Variants in ZMPSTE24 observed in about 807,000 individuals in gnomAD.
The protein encoded by ZMPSTE24 is CAAX prenyl protease 1 homolog.
Under a neutral mutation model 56.7 loss-of-function variants are expected in ZMPSTE24, and 48 were observed. The observed-to-expected ratio is 0.85, with a 90% CI of 0.67 to 1.08. The LOEUF (loss-of-function observed/expected upper bound fraction) is 1.08, where lower values mean the gene tolerates loss of function less well. Ranked by LOEUF, ZMPSTE24 falls within the 50% of genes least tolerant of loss-of-function variation. The pLI, the probability that ZMPSTE24 is intolerant of heterozygous loss-of-function variation, is 0.00. For synonymous variants in ZMPSTE24, 172 were observed against 195.2 expected, an observed-to-expected ratio of 0.88 and a Z score of 0.99; for missense variants, 503 against 548.7, an observed-to-expected ratio of 0.92 and a Z score of 0.83.
In ZMPSTE24 at chr1:40,281,415, A is replaced by G; in HGVS notation, c.842A>G (p.Asp281Gly). 1 of 1,614,158 alleles carries G rather than the reference A, an allele frequency of 6.2e-7. No homozygotes were observed. Among genetic ancestry groups the G allele is most frequent in the Non-Finnish European group, 8.5e-7 (1 of 1,180,016 alleles). The change falls in exon 7 of 10, where the codon GAC (aspartate) becomes GGC (glycine). Residue 281 changes from aspartate to glycine, a missense_variant. Physicochemically the swap from Asp to Gly is moderately conservative, Grantham distance 94 (BLOSUM62 -1). Coordinates refer to ENST00000372759, the MANE Select transcript of ZMPSTE24 (RefSeq NM_005857.5). ...FFKNKRIVLF[D>G]TLLEEYSVLN... ...AAGAACAAGCGAATAGTTTTGTTTG[A>G]CACTCTACTAGAAGAGTACTCTGTA...
At chr1:40,262,804 C>A in intron 2 of ZMPSTE24, 1 of 1,178,964 alleles carries the variant, frequency 8.5e-7, no homozygotes, top group South Asian at 1.7e-5. Context: ...GCTGTTTTGT[C>A]AACTGACATT....
intron 6 of ZMPSTE24, among the ~76,000 whole-genome samples, chr1:40,272,767 A>G (rs1162846117): frequency 6.6e-6 from 1 of 152,242 alleles, no homozygotes; most frequent in African/African-American, 2.4e-5. Flanking sequence ...TAAAGTCCAT[A>G]TAAATGAATG....
intron 1 of ZMPSTE24, among the ~76,000 whole-genome samples, chr1:40,258,629 G>A (rs562285589): frequency 6.6e-6 from 1 of 152,266 alleles, no homozygotes; most frequent in East Asian, 1.9e-4. Context: ...AGGGCCTGGA[G>A]GAAGGCTTGG....
At chr1:40,290,702 T>C (rs992785777) in intron 8 of ZMPSTE24, 152 bp from the exon 9 acceptor site, 88 of 724,774 alleles carry the variant, frequency 1.2e-4, no homozygotes, top group Non-Finnish European at 1.7e-4. Context: ...GACCTCGTGA[T>C]CCACCCGCCT....
intron 8 of ZMPSTE24, 46 bp from the exon 9 acceptor site, chr1:40,290,808 A>C (rs375295113): frequency 2.5e-6 from 4 of 1,605,144 alleles, no homozygotes; most frequent in African/African-American, 2.7e-5. Flanking sequence ...TCCCATAGTG[A>C]AATCAGCTTG....
At chr1:40,272,849 T>C (rs1643626133) in intron 6 of ZMPSTE24, among the ~76,000 whole-genome samples, 1 of 152,224 alleles carries the variant, frequency 6.6e-6, no homozygotes, top group Non-Finnish European at 1.5e-5. Flanking sequence ...TGGGTTTCAG[T>C]TGTATTTCCT....
chr1:40,283,083 C>T (rs10489430), intron 7 of ZMPSTE24, among the ~76,000 whole-genome samples: 93,673 of 152,068 alleles, frequency 0.62, 31,463 homozygotes, highest in African/African-American at 0.9. Context: ...GTTATAAATA[C>T]GTAGATGAAA....
intron 6 of ZMPSTE24, among the ~76,000 whole-genome samples, chr1:40,275,265 C>CAAAAA (rs869166476): frequency 3.4e-4 from 13 of 38,622 alleles, no homozygotes; most frequent in East Asian, 2.6e-3. Context: ...ACTAAAAATA[C>CAAAAA]AAAAAAAAAA....
Position 40,268,401 on chromosome 1 carries a change from G to GT in ZMPSTE24, c.358-12dup. On this transcript the variant is annotated splice_polypyrimidine_tract_variant and intron_variant, in intron 3 of 9. Coordinates refer to ENST00000372759, the MANE Select transcript of ZMPSTE24 (RefSeq NM_005857.5). The stretch of plus-strand genomic sequence containing the variant: ...AGTAGTTCATAAAAACTGGATTTTT[G>GT]TTTTTTCTTTTGTTTAGATCACTCA... 2 of 1,584,398 alleles carry GT rather than the reference G, an allele frequency of 1.3e-6. No homozygotes were observed. The highest frequency in any genetic ancestry group is 8.6e-7 in the Non-Finnish European group (1 of 1,157,410).
chr1:40,261,351 AT>A (rs764643306), intron 2 of ZMPSTE24, among the ~76,000 whole-genome samples: 1,885 of 145,628 alleles, frequency 0.013, 36 homozygotes, highest in African/African-American at 0.041. Context: ...ATTTGCCTGG[AT>A]TTTTTTTTTT....
rs765125506 is a variant in ZMPSTE24 at position 40,271,884 on chromosome 1, T to G, written c.628-10T>G. On this transcript the variant is annotated splice_polypyrimidine_tract_variant and intron_variant, in intron 5 of 9. Coordinates refer to ENST00000372759, the MANE Select transcript of ZMPSTE24 (RefSeq NM_005857.5). ...CATGTTCATATGTTATTCTGACATTTACTTTTCAGGTTCTTGTCACAATCT... is the reference window on the plus strand; with the variant it reads ...CATGTTCATATGTTATTCTGACATTGACTTTTCAGGTTCTTGTCACAATCT... 1 of 1,613,300 alleles carries G rather than the reference T, an allele frequency of 6.2e-7. No individual in the cohort carries two copies. Among genetic ancestry groups the G allele is most frequent in the Non-Finnish European group, 8.5e-7 (1 of 1,179,436 alleles).
chr1:40,290,968 T>C lies in ZMPSTE24; in HGVS notation c.1174T>C (p.Phe392Leu), dbSNP rs1643837706. The C allele has an allele frequency of 5.0e-6, 8 of 1,614,136 alleles. No individual in the cohort carries two copies. The East Asian group carries it at 1.3e-4, about 27-fold the overall frequency. Residue 392 changes from phenylalanine (F) to leucine (L), a missense_variant, in exon 9 of 10, where the codon TTC (phenylalanine) becomes CTC (leucine). Physicochemically the swap from Phe to Leu is conservative, Grantham distance 22. Transcript: ENST00000372759. ...CACTCTTATTGGACTATTGATCATC[T>C]TCCAGTTTATTTTTTCACCTTACAA... ...QPTLIGLLIIFQFIFSPYNEV... is the reference protein window; with the variant it reads ...QPTLIGLLIILQFIFSPYNEV...
At chr1:40,280,669 G>A (rs1442300822) in intron 6 of ZMPSTE24, among the ~76,000 whole-genome samples, 3 of 152,008 alleles carry the variant, frequency 2.0e-5, no homozygotes, top group Non-Finnish European at 4.4e-5. Flanking sequence ...CAAGTGATCC[G>A]CCTGCCTCAG....
At chr1:40,264,614 T>C (rs1318009977) in intron 2 of ZMPSTE24, among the ~76,000 whole-genome samples, 1 of 151,800 alleles carries the variant, frequency 6.6e-6, no homozygotes, top group African/African-American at 2.4e-5. Context: ...GATGACTCAA[T>C]CCTGTAATCA....
chr1:40,290,639 T>G (rs1300587231), intron 8 of ZMPSTE24: 2 of 430,632 alleles, frequency 4.6e-6, no homozygotes, highest in South Asian at 2.1e-5. Context: ...TTTTTCTGCA[T>G]TTTTAGTAGA....
intron 2 of ZMPSTE24, among the ~76,000 whole-genome samples, chr1:40,264,164 T>C (rs1467910879): frequency 6.6e-6 from 1 of 152,044 alleles, no homozygotes; most frequent in East Asian, 1.9e-4. Flanking sequence ...CGAAACCCTG[T>C]CTCTACTAAA....
chr1:40,284,590 A>G (rs147761665), intron 7 of ZMPSTE24, among the ~76,000 whole-genome samples: 121 of 152,092 alleles, frequency 8.0e-4, no homozygotes, highest in Non-Finnish European at 1.5e-3. Flanking sequence ...TGTCTCTACT[A>G]AAAATACAAA....
chr1:40,267,332 GTTATTTTATTTTATTTTATTTTATT>G (rs71060361), intron 2 of ZMPSTE24, among the ~76,000 whole-genome samples: 3 of 137,418 alleles, frequency 2.2e-5, no homozygotes, highest in Admixed American at 1.4e-4. Context: ...ATTTTATTTT[GTTATTTTATTTTATTTTATTTTATT>G]TTATTTTATT....
chr1:40,267,175 C>T (rs1643558251), intron 2 of ZMPSTE24, among the ~76,000 whole-genome samples: 2 of 151,842 alleles, frequency 1.3e-5, no homozygotes, highest in Non-Finnish European at 2.9e-5. Context: ...ATGTACCATA[C>T]AATTCATATA....
Sources: allele counts gnomAD v4.1 joint callset (sites outside exome capture counted in the v4.1 genomes callset), GRCh38; gene constraint gnomAD v4.1.1; transcripts MANE v1.5; gene names NCBI Gene and HGNC (gene_info 2026-07-23, HGNC 2026-07-21).